Variants in TSPAN13 observed in about 807,000 individuals in gnomAD.
TSPAN13 encodes tetraspanin 13.
TSPAN13 carries 18 observed loss-of-function variants against 26.9 expected under a neutral mutation model. The observed-to-expected ratio is 0.67, with a 90% CI of 0.46 to 0.99. The LOEUF is 0.99. TSPAN13 is among the 50% of genes least tolerant of loss of function. TSPAN13 has a pLI of 0.00. For synonymous variants in TSPAN13, 116 were observed against 98.4 expected (o/e 1.18, Z -1.06); for missense variants, 201 against 249.6 (o/e 0.81, Z 1.31).
At chr7:16,774,872 A>G (rs745718367) in intron 1 of TSPAN13, among the ~76,000 whole-genome samples, 5 of 152,208 alleles carry the variant, frequency 3.3e-5, no homozygotes, top group Non-Finnish European at 5.9e-5. Context: ...AATATTTTCT[A>G]TGAGTACAAA....
chr7:16,781,458 T>C (rs3807494), intron 5 of TSPAN13, among the ~76,000 whole-genome samples: 11,884 of 152,274 alleles, frequency 0.078, 923 homozygotes, highest in East Asian at 0.23. Context: ...GCCCTCTTAA[T>C]CATGAGCACT....
chr7:16,777,715 A>C (rs1784769353), intron 3 of TSPAN13, 83 bp from the exon 4 acceptor site: 5 of 904,432 alleles, frequency 5.5e-6, no homozygotes, highest in African/African-American at 1.7e-5. Context: ...TTTTAGGTAC[A>C]CTTAGTACTA....
At chr7:16,781,136 A>G (rs958414159) in intron 5 of TSPAN13, among the ~76,000 whole-genome samples, 1 of 152,322 alleles carries the variant, frequency 6.6e-6, no homozygotes, top group East Asian at 1.9e-4. Flanking sequence ...AGAATCTGAA[A>G]AAAGCTATGA....
At chr7:16,760,453 G>A (rs1457836806) in intron 1 of TSPAN13, among the ~76,000 whole-genome samples, 3 of 152,180 alleles carry the variant, frequency 2.0e-5, no homozygotes, top group African/African-American at 4.8e-5. Context: ...TAGATTTGCC[G>A]TTAACTAGGA....
rs928970858 is a variant in TSPAN13 at position 16,783,589 on chromosome 7, A to G, written c.*98A>G. On this transcript the variant is annotated 3_prime_UTR_variant, in exon 6 of 6. Transcript: ENST00000262067. Reference sequence around the variant, plus strand: ...TTGCCAGTTTAAGGAAGGAAACACTATCTGGAAAAGTACCTTATTGATAGT... The same window carrying G: ...TTGCCAGTTTAAGGAAGGAAACACTGTCTGGAAAAGTACCTTATTGATAGT... The G allele has an allele frequency of 1.8e-6, 2 of 1,121,352 alleles. No homozygotes were observed. The highest frequency in any genetic ancestry group is 3.1e-5 in the African/African-American group (2 of 65,508). 69.5% of individuals were successfully genotyped at this position (1,121,352 alleles called of 1,614,324 possible).
At chr7:16,755,660 CTT>C (rs959721585) in intron 1 of TSPAN13, among the ~76,000 whole-genome samples, 1 of 151,364 alleles carries the variant, frequency 6.6e-6, no homozygotes, top group African/African-American at 2.4e-5. Context: ...TTGCCAGACA[CTT>C]AGTCTTACAG....
rs1230465518 is a variant in TSPAN13 at position 16,783,437 on chromosome 7, C to G, written c.561C>G (p.Thr187=). Residue 187 remains threonine, a synonymous_variant, in exon 6 of 6, where the codon ACC becomes ACG. Transcript: ENST00000262067. ...TCCAGATCCTGGGTGTTTGGCTGAC[C>G]TACAGATACAGGAACCAGAAAGACC... ...SFTEILGVWL[T]YRYRNQKDPR... is the part of the protein sequence containing the mutation. 2 of 1,613,040 alleles carry G rather than the reference C, an allele frequency of 1.2e-6. No homozygotes were observed. Among genetic ancestry groups the G allele is most frequent in the Non-Finnish European group, 1.7e-6 (2 of 1,179,634 alleles).
chr7:16,782,799 T>A (rs568011043), intron 5 of TSPAN13, among the ~76,000 whole-genome samples: 25 of 152,370 alleles, frequency 1.6e-4, no homozygotes, highest in African/African-American at 5.8e-4. Context: ...TTTGACTTTG[T>A]ATTAGTTTTC....
At chr7:16,770,455 C>T (rs1028127536) in intron 1 of TSPAN13, among the ~76,000 whole-genome samples, 1 of 152,178 alleles carries the variant, frequency 6.6e-6, no homozygotes, top group Non-Finnish European at 1.5e-5. Context: ...AGTGATCCAC[C>T]CGCTTCGGCC....
chr7:16,757,062 T>C (rs890751195), intron 1 of TSPAN13, among the ~76,000 whole-genome samples: 2 of 152,154 alleles, frequency 1.3e-5, no homozygotes, highest in African/African-American at 4.8e-5. Context: ...GGCAAATGCA[T>C]TGTGAAGACA....
chr7:16,777,029 T>A lies in TSPAN13; in HGVS notation c.232-13T>A, dbSNP rs1784759143. 8 of 1,578,176 alleles carry A rather than the reference T, an allele frequency of 5.1e-6. No individual in the cohort carries two copies. The highest frequency in any genetic ancestry group is 6.1e-6 in the Non-Finnish European group (7 of 1,148,576). ...AAGAATATTTAGAAGTATCCTTAAC[T>A]TCTAACTCTCAGTATATGATTATTC... On this transcript the variant is annotated splice_polypyrimidine_tract_variant and intron_variant, in intron 2 of 5. Transcript: ENST00000262067.
chr7:16,774,703 T>G (rs1445984901), intron 1 of TSPAN13, among the ~76,000 whole-genome samples: 1 of 152,102 alleles, frequency 6.6e-6, no homozygotes, highest in African/African-American at 2.4e-5. Context: ...TTGTGAAAAT[T>G]TTTGCCTCTC....
intron 4 of TSPAN13, among the ~76,000 whole-genome samples, chr7:16,778,600 G>A (rs1784781004): frequency 6.6e-6 from 1 of 152,172 alleles, no homozygotes. Flanking sequence ...CCTGTTGGCT[G>A]GAGGTCTCTC....
At chr7:16,758,859 CTGTT>C (rs1303901630) in intron 1 of TSPAN13, among the ~76,000 whole-genome samples, 1 of 151,294 alleles carries the variant, frequency 6.6e-6, no homozygotes, top group Admixed American at 6.6e-5. Context: ...ATAATTGTAA[CTGTT>C]TGGGGTTATT....
At chr7:16,767,863 G>A (rs1285586026) in intron 1 of TSPAN13, among the ~76,000 whole-genome samples, 2 of 151,130 alleles carry the variant, frequency 1.3e-5, no homozygotes, top group Non-Finnish European at 3.0e-5. Flanking sequence ...CCACTTTTCA[G>A]TTTGCTTTTT....
chr7:16,770,342 A>T (rs781324937), intron 1 of TSPAN13, among the ~76,000 whole-genome samples: 1 of 152,004 alleles, frequency 6.6e-6, no homozygotes, highest in Non-Finnish European at 1.5e-5. Context: ...AGTAGCTGGG[A>T]TTACAGGTGC....
chr7:16,763,835 C>T (rs1406568637), intron 1 of TSPAN13, among the ~76,000 whole-genome samples: 1 of 152,116 alleles, frequency 6.6e-6, no homozygotes, highest in Non-Finnish European at 1.5e-5. Flanking sequence ...GCAAAAACAA[C>T]ATGTGTCTAA....
intron 1 of TSPAN13, among the ~76,000 whole-genome samples, chr7:16,754,632 A>C (rs7809197): frequency 0.31 from 47,324 of 152,060 alleles, 7,537 homozygotes; most frequent in Admixed American, 0.35. Flanking sequence ...CAGTTTTGCT[A>C]GTACTTGGTG....
chr7:16,772,508 C>G (rs561443764), intron 1 of TSPAN13, among the ~76,000 whole-genome samples: 1 of 152,216 alleles, frequency 6.6e-6, no homozygotes, highest in East Asian at 1.9e-4. Flanking sequence ...TGGCTGCTGG[C>G]ATTCCTTGTG....
Sources: gnomAD v4.1 joint callset for allele counts (sites outside exome capture counted in the v4.1 genomes callset) on GRCh38, gnomAD v4.1.1 for gene constraint, MANE v1.5 for transcripts, NCBI Gene and HGNC (gene_info 2026-07-23, HGNC 2026-07-21) for gene names.